Variants in NBPF20 observed in about 807,000 individuals in gnomAD.
NBPF20 encodes NBPF member 20, also known as NBPF family member NBPF20.
A neutral mutation model predicts 68.1 loss-of-function variants in NBPF20; 90 were observed. The observed-to-expected ratio is 1.32, with a 90% CI of 1.11 to 1.58. NBPF20 has a LOEUF of 1.58. NBPF20 is among the 40% of genes most tolerant of loss of function. The pLI is 0.00. For missense variants in NBPF20, 816 were observed against 601.2 expected (o/e 1.36, Z -3.74); for synonymous variants, 290 against 228.1 (o/e 1.27, Z -2.45).
chr1:145,403,647 T>C (rs1411178755), intron 2 of NBPF20, among the ~76,000 whole-genome samples: 3 of 152,180 alleles, frequency 2.0e-5, no homozygotes, highest in Non-Finnish European at 2.9e-5. Context: ...CAGCCTCTCC[T>C]CTAAAACACT....
At chr1:145,424,983 C>G in the NBPF20 span, among the ~76,000 whole-genome samples, 4 of 152,208 alleles carry the variant, frequency 2.6e-5, no homozygotes. Flanking sequence ...TCTCGCCTCT[C>G]AGGTCCCCAG....
exon 8 of NBPF20, chr1:145,395,017 A>T: frequency 6.2e-7 from 1 of 1,611,736 alleles, no homozygotes; most frequent in South Asian, 1.1e-5. Flanking sequence ...TGTTCCTCTA[A>T]TGAGTGAAAT....
intron 119 of NBPF20, among the ~76,000 whole-genome samples, chr1:145,306,355 A>G (rs1418199907): frequency 4.3e-4 from 62 of 145,752 alleles, no homozygotes; most frequent in Admixed American, 3.4e-3. Flanking sequence ...TCCAGGTGAC[A>G]CACTGATGAG....
the NBPF20 span, among the ~76,000 whole-genome samples, chr1:145,423,331 C>T: frequency 8.0e-4 from 119 of 147,842 alleles, no homozygotes; most frequent in East Asian, 1.2e-3. Flanking sequence ...TCCCAGCTAC[C>T]TGGGGGCTGA....
chr1:145,410,926 CAT>C, the NBPF20 span, among the ~76,000 whole-genome samples: 5 of 123,614 alleles, frequency 4.0e-5, no homozygotes, highest in East Asian at 2.1e-4. Flanking sequence ...TGTGTGTATA[CAT>C]ATATATATGT....
At chr1:145,398,004 G>T (rs1662343038) in intron 7 of NBPF20, among the ~76,000 whole-genome samples, 1 of 152,156 alleles carries the variant, frequency 6.6e-6, no homozygotes, top group Non-Finnish European at 1.5e-5. Flanking sequence ...CTACATAATG[G>T]TAAAGGGATC....
chr1:145,394,764 T>C (rs1316194770), intron 8 of NBPF20, among the ~76,000 whole-genome samples: 7 of 152,086 alleles, frequency 4.6e-5, no homozygotes, highest in Non-Finnish European at 8.8e-5. Flanking sequence ...GGCACGGGCA[T>C]GGCCTGAGAC....
At chr1:145,405,957 C>T (rs1164458890), upstream of NBPF20, among the ~76,000 whole-genome samples, 5 of 149,484 alleles carry the variant, frequency 3.3e-5, no homozygotes, top group African/African-American at 1.2e-4. Context: ...CTCACTCTGT[C>T]GCCCAGGCTG....
exon 138 of NBPF20, chr1:145,291,483 T>A (rs782107760): frequency 2.9e-5 from 46 of 1,611,852 alleles, no homozygotes; most frequent in Non-Finnish European, 3.4e-5. Context: ...TGCCTATAGG[T>A]CCTGCCTGCA....
chr1:145,295,287 A>T (rs1661279879), intron 133 of NBPF20: 1 of 310,394 alleles, frequency 3.2e-6, no homozygotes, highest in Non-Finnish European at 5.4e-6. Context: ...AGTGATCATG[A>T]AAAGAGTGGG....
chr1:145,415,062 T>C, the NBPF20 span, among the ~76,000 whole-genome samples: 2 of 152,132 alleles, frequency 1.3e-5, no homozygotes, highest in Non-Finnish European at 2.9e-5. Context: ...TTGATCATTA[T>C]CGGGCATTTC....
chr1:145,397,252 A>G lies in NBPF20; in HGVS notation c.827+1797T>C, dbSNP rs1662294637. Among the ~76,000 whole-genome samples the G allele has an allele frequency of 1.3e-5, 2 of 151,838 alleles. 1 individual carries two copies. Among genetic ancestry groups the G allele is most frequent in the South Asian group, 4.2e-4 (2 of 4,788 alleles). ...ATATGTGTGCATGTGTCTTTACAGC[A>G]GCATGATTTATAATCATTTGGGTAC... is the stretch of plus-strand genomic sequence containing the variant. On this transcript the variant is annotated intron_variant, in intron 7 of 137. Transcript: ENST00000369373.
chr1:145,403,749 G>A (rs1662636039), intron 2 of NBPF20, among the ~76,000 whole-genome samples: 1 of 151,608 alleles, frequency 6.6e-6, no homozygotes, highest in Non-Finnish European at 1.5e-5. Flanking sequence ...GGAATTTCAA[G>A]GACAAGTATG....
In NBPF20 at chr1:145,378,056, G is replaced by C. The variant is rs1661862002; in HGVS notation, c.3451C>G (p.Pro1151Ala). The change falls in exon 29 of 138, where the codon CCA becomes GCA. Residue 1151 changes from proline (P) to alanine (A), a missense_variant. By Grantham distance (27) the Pro-to-Ala change is conservative (BLOSUM62 -1). Transcript: ENST00000369373. ...GCTCAAAGTTACCTGGGGCATGATG[G>C]GTCTTGGTCTTCTTCCACTTCTTGG... The C allele has an allele frequency of 3.0e-5, 10 of 329,448 alleles. 2 individuals carry two copies. Among genetic ancestry groups the C allele is most frequent in the Admixed American group, 2.6e-4 (5 of 19,490 alleles). The allele number at this position is 329,448 out of a possible 1,614,324, so 20.4% of individuals were successfully genotyped here.
At chr1:145,404,207 C>A (rs587742108) in intron 2 of NBPF20, among the ~76,000 whole-genome samples, 1 of 149,520 alleles carries the variant, frequency 6.7e-6, no homozygotes, top group South Asian at 2.2e-4. Context: ...AACAGGACTT[C>A]GCTCTCACCA....
At position 145,405,033 on chromosome 1, in the gene NBPF20, A is replaced by T. The variant is rs1181486151; in HGVS notation, c.175+65T>A. ...TGAAATTATTTTTGATGGAGAGAGC[A>T]TTTAGTGTCTCAGAAGACAGGACAT... On this transcript the variant is annotated intron_variant, in intron 2 of 137. Coordinates refer to ENST00000369373, the Ensembl canonical transcript of NBPF20. 16 of 1,609,350 alleles carry T rather than the reference A, an allele frequency of 9.9e-6. No homozygotes were observed. The East Asian group carries it at 3.6e-4, about 36-fold the overall frequency.
chr1:145,393,562 T>G (rs1436992631), intron 9 of NBPF20, among the ~76,000 whole-genome samples: 1 of 152,056 alleles, frequency 6.6e-6, no homozygotes, highest in Non-Finnish European at 1.5e-5. Context: ...ATTTGTGCTC[T>G]CAGGACACAC....
chr1:145,393,309 T>G, intron 9 of NBPF20, 63 bp from the exon 15 acceptor site: 1 of 678,344 alleles, frequency 1.5e-6, no homozygotes, highest in South Asian at 1.7e-5. Flanking sequence ...CAGCCCCAGC[T>G]AGATTTCATG....
chr1:145,408,361 G>A (rs1466071506), upstream of NBPF20, among the ~76,000 whole-genome samples: 2 of 151,754 alleles, frequency 1.3e-5, no homozygotes, highest in East Asian at 3.9e-4. Context: ...GTGTGTGGCT[G>A]GAAAACTTTT....
Sources: allele counts gnomAD v4.1 joint callset (sites outside exome capture counted in the v4.1 genomes callset), GRCh38; gene constraint gnomAD v4.1.1; transcripts MANE v1.5; gene names NCBI Gene and HGNC (gene_info 2026-07-23, HGNC 2026-07-21).